SLC44A4: variants seen among roughly 807,000 people sequenced by gnomAD.
The protein encoded by SLC44A4 is solute carrier family 44 member 4.
In SLC44A4, 74 loss-of-function variants were observed where a neutral mutation model predicts 97.0. The observed-to-expected ratio is 0.76, with a 90% CI of 0.63 to 0.93. The LOEUF (loss-of-function observed/expected upper bound fraction) is 0.93. Ranked by LOEUF, SLC44A4 falls within the 40% of genes least tolerant of loss-of-function variation. The probability of loss-of-function intolerance (pLI) is 0.00; values close to 1 mark genes in which losing one functional copy is unlikely to be tolerated. For synonymous variants in SLC44A4, 325 were observed against 363.8 expected (o/e 0.89, Z 1.21); for missense variants, 799 against 902.9 (o/e 0.88, Z 1.48).
chr6:31,870,041 C>T (rs949883034), intron 11 of SLC44A4, among the ~76,000 whole-genome samples: 1 of 152,114 alleles, frequency 6.6e-6, no homozygotes, highest in Non-Finnish European at 1.5e-5. Flanking sequence ...CTGCCCCACT[C>T]CCCCAGGGTG....
Position 31,865,481 on chromosome 6 carries a change from C to A in SLC44A4, c.1686+17G>T. ...CAAAGGGCACCAGAACAAAGGGTTG[C>A]TTGCAGTGTAGCTCACCATGATGTA... On this transcript the variant is annotated intron_variant, in intron 16 of 20. Transcript: ENST00000229729. The surrounding 1 kb of genome is among the most constrained non-coding windows in gnomAD (Gnocchi z 5.2). 1.2e-6 allele frequency: 2 copies of A among 1,612,380 alleles called. No individual in the cohort carries two copies. The highest frequency in any genetic ancestry group is 1.7e-6 in the Non-Finnish European group (2 of 1,178,532).
At chr6:31,875,587 C>T (rs1052314049) in intron 4 of SLC44A4, among the ~76,000 whole-genome samples, 2 of 152,190 alleles carry the variant, frequency 1.3e-5, no homozygotes, top group Non-Finnish European at 2.9e-5. Context: ...GATCCAAACA[C>T]CAATCTCTGA....
Position 31,866,103 on chromosome 6 carries a change from G to T in SLC44A4, c.1257C>A (p.Cys419Ter). 1 of 1,614,080 alleles carries T rather than the reference G, an allele frequency of 6.2e-7. No individual in the cohort carries two copies. Among genetic ancestry groups the T allele is most frequent in the Non-Finnish European group, 8.5e-7 (1 of 1,179,996 alleles). The change falls in exon 14 of 21, where the codon TGC becomes TGA. Residue 419 changes from cysteine (C) to a stop codon, truncating the protein, a stop_gained. Coordinates refer to ENST00000229729, the MANE Select transcript of SLC44A4 (RefSeq NM_025257.3). LOFTEE classifies it high-confidence loss of function. ...NPTAHLVNSSCPGLMCVFQGY... is the reference protein window; with the variant it reads ...NPTAHLVNSS Reference sequence around the variant, plus strand: ...CCTGGAAGACGCACATCAGCCCTGGGCACGAGGAGTTCACAAGGTGGGCCT... The same window carrying T: ...CCTGGAAGACGCACATCAGCCCTGGTCACGAGGAGTTCACAAGGTGGGCCT...
chr6:31,873,258 C>T (rs541535338), intron 7 of SLC44A4, among the ~76,000 whole-genome samples: 1 of 152,028 alleles, frequency 6.6e-6, no homozygotes, highest in East Asian at 2.0e-4. Flanking sequence ...GCAAAGCTCA[C>T]TGCAACCTCT....
chr6:31,875,195 C>A (rs1477008853), intron 4 of SLC44A4, among the ~76,000 whole-genome samples, 167 bp from the exon 5 acceptor site: 1 of 152,134 alleles, frequency 6.6e-6, no homozygotes, highest in South Asian at 2.1e-4. Flanking sequence ...TAGGGAGATG[C>A]CTAGAAGATC....
At chr6:31,869,801 C>T (rs983325779) in intron 11 of SLC44A4, among the ~76,000 whole-genome samples, 164 bp from the exon 12 acceptor site, 16 of 152,096 alleles carry the variant, frequency 1.1e-4, no homozygotes, top group African/African-American at 3.6e-4. Context: ...CTGGCTAACA[C>T]GGTGAAACCC....
chr6:31,870,922 C>A lies in SLC44A4; in HGVS notation c.827G>T (p.Cys276Phe). ...CCGCAGCACTCGGTACTCCTCCCAG[C>A]AGTAGTAGATGCCGTATGCCAGCAC... ...LGVLAYGIYY[C>F]WEEYRVLRDK... The change falls in exon 10 of 21, where the codon TGC (cysteine) becomes TTC (phenylalanine). Residue 276 changes from cysteine to phenylalanine, a missense_variant. Around this residue, in one of 3 missense-constraint regions of SLC44A4, gnomAD observed 409 missense variants for 434.1 expected, o/e 0.94. Transcript: ENST00000229729. 1 of 1,613,054 alleles carries A rather than the reference C, an allele frequency of 6.2e-7. No individual in the cohort carries two copies. Among genetic ancestry groups the A allele is most frequent in the Non-Finnish European group, 8.5e-7 (1 of 1,179,992 alleles).
intron 19 of SLC44A4, 22 bp from the exon 20 acceptor site, chr6:31,864,758 G>A (rs1317353882): frequency 2.5e-6 from 4 of 1,614,036 alleles, no homozygotes; most frequent in Non-Finnish European, 2.5e-6. Flanking sequence ...GACCCGTTGG[G>A]GTTATTGGGT....
intron 13 of SLC44A4, among the ~76,000 whole-genome samples, chr6:31,866,364 C>T (rs1446229743): frequency 7.1e-6 from 1 of 141,836 alleles, no homozygotes; most frequent in Non-Finnish European, 1.6e-5. Context: ...GGGGAAGGCA[C>T]TCACTCAGCA....
At position 31,870,978 on chromosome 6, in the gene SLC44A4, C is replaced by G. The variant is rs374171756; in HGVS notation, c.771G>C (p.Leu257=). The G allele has an allele frequency of 5.0e-6, 8 of 1,612,892 alleles. No individual in the cohort carries two copies. The African/African-American group carries it at 6.7e-5, about 13-fold the overall frequency. The change falls in exon 10 of 21, where the codon CTG becomes CTC. Residue 257 remains leucine (L), a synonymous_variant. Coordinates refer to ENST00000229729, the MANE Select transcript of SLC44A4 (RefSeq NM_025257.3). The stretch of plus-strand genomic sequence containing the variant: ...GCACTCCCAGGATCAGCACCAGCAC[C>G]AGGGGCCCAGCCACCAGGCGCAGAA... ...ILLLRLVAGP[L]VLVLILGVLG...
chr6:31,869,504 C>G, intron 12 of SLC44A4, 41 bp downstream of exon 12: 1 of 1,524,554 alleles, frequency 6.6e-7, no homozygotes, highest in Non-Finnish European at 9.0e-7. Context: ...CCATCACCCC[C>G]CAGGACTCCA....
Position 31,865,637 on chromosome 6 carries a change from C to T in SLC44A4, c.1583-36G>A. 1.9e-6 allele frequency: 3 copies of T among 1,610,660 alleles called. No homozygotes were observed. The highest frequency in any genetic ancestry group is 2.5e-6 in the Non-Finnish European group (3 of 1,177,852). Reference sequence around the variant, plus strand: ...GGAAGGCTCATGTTTGGTCACTGCCCCTCCCTAATGGCCTTCCCCAGCTCC... The same window carrying T: ...GGAAGGCTCATGTTTGGTCACTGCCTCTCCCTAATGGCCTTCCCCAGCTCC... On this transcript the variant is annotated intron_variant, in intron 15 of 20. Transcript: ENST00000229729. This position sits in a 1 kb window ranked among gnomAD's most constrained non-coding sequence, Gnocchi z 5.2.
rs771023172 is a variant in SLC44A4, at chr6:31,869,551, G to A, written c.1124C>T (p.Thr375Ile). 6.2e-7 allele frequency: 1 copy of A among 1,601,578 alleles called. No individual in the cohort carries two copies. Among genetic ancestry groups the A allele is most frequent in the South Asian group, 1.1e-5 (1 of 88,956 alleles). ...CTGCGTGGGCAGAGGATACAGAGCAGTCATGGCCCAGTAGGCAATGCAGAT... is the reference window on the plus strand; with the variant it reads ...CTGCGTGGGCAGAGGATACAGAGCAATCATGGCCCAGTAGGCAATGCAGAT... Reference protein sequence around the residue: ...LLICIAYWAMTALYLATSGQP... With the variant: ...LLICIAYWAMIALYLATSGQP... Residue 375 changes from threonine to isoleucine, a missense_variant, in exon 12 of 21, where the codon ACT (threonine) becomes ATT (isoleucine). Thr to Ile is a moderately conservative substitution (Grantham distance 89). Around this residue, in one of 3 missense-constraint regions of SLC44A4, gnomAD observed 379 missense variants for 438.3 expected, o/e 0.86. Transcript: ENST00000229729.
chr6:31,871,928 G>A (rs1562452586), intron 7 of SLC44A4, among the ~76,000 whole-genome samples: 1 of 152,102 alleles, frequency 6.6e-6, no homozygotes, highest in Non-Finnish European at 1.5e-5. Context: ...CAGAGGCTCT[G>A]CCCCAGAGAC....
intron 11 of SLC44A4, 26 bp downstream of exon 11, chr6:31,870,577 C>T (rs773829630): frequency 1.3e-6 from 2 of 1,558,272 alleles, no homozygotes; most frequent in East Asian, 4.8e-5. Context: ...TCCTCAACCC[C>T]ATCTCCCTCC....
Position 31,864,870 on chromosome 6 carries a change from C to A in SLC44A4, c.1872G>T (p.Gly624=). 1 of 1,614,034 alleles carries A rather than the reference C, an allele frequency of 6.2e-7. No individual in the cohort carries two copies. The highest frequency in any genetic ancestry group is 8.5e-7 in the Non-Finnish European group (1 of 1,179,998). ...GGGGGCTCTTAAAGTCTTTACCCAGCCCCGGGATGCGACCGGAGAAAAAAA... is the reference window on the plus strand; with the variant it reads ...GGGGGCTCTTAAAGTCTTTACCCAGACCCGGGATGCGACCGGAGAAAAAAA... ...SFFFFSGRIP[G]LGKDFKSPHL... The change falls in exon 19 of 21, where the codon GGG becomes GGT. Residue 624 remains glycine, a synonymous_variant. Coordinates refer to ENST00000229729, the MANE Select transcript of SLC44A4 (RefSeq NM_025257.3).
chr6:31,874,935 T>C lies in SLC44A4; in HGVS notation c.336A>G (p.Thr112=). 1 of 1,612,136 alleles carries C rather than the reference T, an allele frequency of 6.2e-7. No individual in the cohort carries two copies. The highest frequency in any genetic ancestry group is 8.5e-7 in the Non-Finnish European group (1 of 1,179,290). Reference sequence around the variant, plus strand: ...GCAGGTCCCAGGCTCTGACCTGGGGTGTGGGGCACTGTAGGCCGTTCTCAG... The same window carrying C: ...GCAGGTCCCAGGCTCTGACCTGGGGCGTGGGGCACTGTAGGCCGTTCTCAG... ...SVAENGLQCP[T]PQVCVSSCPE... is the part of the protein sequence containing the mutation. Residue 112 remains threonine (T), a synonymous_variant, in exon 5 of 21, where the codon ACA becomes ACG. Transcript: ENST00000229729. The surrounding 1 kb of genome is among the most constrained non-coding windows in gnomAD (Gnocchi z 4.8).
chr6:31,869,767 C>A (rs190865934), intron 11 of SLC44A4, 130 bp from the exon 12 acceptor site: 4 of 673,196 alleles, frequency 5.9e-6, no homozygotes, highest in Non-Finnish European at 1.1e-5. Context: ...GGGCGGATCA[C>A]GAGGTCAGGA....
rs1046235726 is a variant in SLC44A4 at position 31,863,419 on chromosome 6, G to C, written c.*208C>G. The C allele has an allele frequency of 5.1e-5, 29 of 563,210 alleles. No homozygotes were observed. The African/African-American group carries it at 5.4e-4, about 10-fold the overall frequency. The allele number at this position is 563,210 out of a possible 1,614,324, so 34.9% of individuals were successfully genotyped here. The stretch of plus-strand genomic sequence containing the variant: ...TTTTGTATTTTTAATAGAGACGGAG[G>C]TTTCACCATGTTGGCCAGGCTGGTC... On this transcript the variant is annotated 3_prime_UTR_variant, in exon 21 of 21. Transcript: ENST00000229729.
Sources: gnomAD v4.1 joint callset for allele counts (sites outside exome capture counted in the v4.1 genomes callset) on GRCh38, gnomAD v4.1.1 for gene constraint, gnomAD v4.1.1 regional missense constraint, Gnocchi (gnomAD v3.1) non-coding constraint, MANE v1.5 for transcripts, NCBI Gene and HGNC (gene_info 2026-07-23, HGNC 2026-07-21) for gene names.